IL31RA: variants seen among roughly 807,000 people sequenced by gnomAD.
The protein encoded by IL31RA is interleukin 31 receptor A.
In IL31RA, 66 loss-of-function variants were observed where a neutral mutation model predicts 83.7. The ratio of observed to expected loss-of-function variants is 0.79; its 90% CI spans 0.65 to 0.97. The LOEUF (loss-of-function observed/expected upper bound fraction) is 0.97, where lower values mean the gene tolerates loss of function less well. IL31RA is among the 50% of genes least tolerant of loss of function. The pLI is 0.00. For synonymous variants in IL31RA, 325 were observed against 329.0 expected (o/e 0.99, Z 0.13); for missense variants, 798 against 919.4 (o/e 0.87, Z 1.71).
chr5:55,914,664 T>A (rs1449954172), intron 13 of IL31RA, among the ~76,000 whole-genome samples, 183 bp from the exon 14 acceptor site: 1 of 152,114 alleles, frequency 6.6e-6, no homozygotes, highest in Non-Finnish European at 1.5e-5. Flanking sequence ...GAACTTGCAA[T>A]GTCACCCCCC....
At chr5:55,843,082 G>A in the IL31RA span, among the ~76,000 whole-genome samples, 2 of 152,170 alleles carry the variant, frequency 1.3e-5, no homozygotes, top group Non-Finnish European at 2.9e-5. Flanking sequence ...TTGCATGCAT[G>A]TGCCCACACA....
intron 1 of IL31RA, among the ~76,000 whole-genome samples, chr5:55,853,939 T>C (rs1037942184): frequency 6.6e-6 from 1 of 152,184 alleles, no homozygotes; most frequent in Non-Finnish European, 1.5e-5. Context: ...AGCTACCACA[T>C]GATTTTAGTG....
rs1749314717 is a variant in IL31RA, at chr5:55,908,671, T to C, written c.1501+260T>C. On this transcript the variant is annotated intron_variant, in intron 11 of 14. Coordinates refer to ENST00000652347, the MANE Select transcript of IL31RA (RefSeq NM_139017.7). ...AGGAGTTGTTATAATTTGTCCTGGTTAGGCCCTGAATTGACCTCCCGGGAG... is the reference window on the plus strand; with the variant it reads ...AGGAGTTGTTATAATTTGTCCTGGTCAGGCCCTGAATTGACCTCCCGGGAG... The C allele has an allele frequency of 2.0e-6, 3 of 1,512,648 alleles. No individual in the cohort carries two copies. The African/African-American group carries it at 4.2e-5, about 21-fold the overall frequency. 93.7% of individuals were successfully genotyped at this position (1,512,648 alleles called of 1,614,324 possible).
chr5:55,842,248 G>T, the IL31RA span, among the ~76,000 whole-genome samples: 1 of 152,118 alleles, frequency 6.6e-6, no homozygotes, highest in Non-Finnish European at 1.5e-5. Flanking sequence ...ATTAGATTAA[G>T]GGCCACCCTA....
At chr5:55,861,531 G>A (rs1484481800) in intron 2 of IL31RA, among the ~76,000 whole-genome samples, 1 of 152,094 alleles carries the variant, frequency 6.6e-6, no homozygotes, top group African/African-American at 2.4e-5. Flanking sequence ...GTTTCATCCC[G>A]AAACCATCCG....
rs1747440447 is a variant in IL31RA at position 55,884,227 on chromosome 5, G to C, written c.606+1032G>C. Among the ~76,000 whole-genome samples, 5 of 152,100 alleles carry C rather than the reference G, an allele frequency of 3.3e-5. 1 individual carries two copies. In the South Asian group the frequency reaches 1.0e-3, roughly 32 times the overall value. On this transcript the variant is annotated intron_variant, in intron 5 of 14. Transcript: ENST00000652347. ...TATTGCAAACATCTTTCACTATGTGGCATGACGTTTCACTCTCTTAATGGT... is the reference window on the plus strand; with the variant it reads ...TATTGCAAACATCTTTCACTATGTGCCATGACGTTTCACTCTCTTAATGGT...
intron 4 of IL31RA, among the ~76,000 whole-genome samples, chr5:55,880,358 T>A (rs993638430): frequency 3.3e-5 from 5 of 152,296 alleles, no homozygotes; most frequent in Non-Finnish European, 5.9e-5. Context: ...TCTAAAACTC[T>A]TCAAGAATTA....
At chr5:55,908,768 G>T (rs575875454) in intron 11 of IL31RA, 3 of 1,426,694 alleles carry the variant, frequency 2.1e-6, no homozygotes, top group Non-Finnish European at 2.7e-6. Flanking sequence ...CTGTCACCAT[G>T]ACTTCTACTG....
At chr5:55,916,361 C>T (rs1025031713) in intron 14 of IL31RA, among the ~76,000 whole-genome samples, 7 of 143,422 alleles carry the variant, frequency 4.9e-5, no homozygotes, top group South Asian at 2.3e-4. Context: ...GCCTGGGCAA[C>T]GGGAGTGAGA....
At chr5:55,870,809 A>G (rs755138678) in intron 3 of IL31RA, among the ~76,000 whole-genome samples, 9 of 152,226 alleles carry the variant, frequency 5.9e-5, no homozygotes, top group South Asian at 2.1e-4. Context: ...AATAAGCCAA[A>G]AACCTTCTGA....
intron 4 of IL31RA, among the ~76,000 whole-genome samples, chr5:55,874,813 T>C (rs1746737445): frequency 6.6e-6 from 1 of 152,174 alleles, no homozygotes; most frequent in Admixed American, 6.5e-5. Context: ...GGTCATGTCA[T>C]CTGCAAACAT....
chr5:55,859,975 A>T (rs1745574839), intron 2 of IL31RA, among the ~76,000 whole-genome samples: 1 of 152,204 alleles, frequency 6.6e-6, no homozygotes, highest in Admixed American at 6.5e-5. Context: ...TTTTTCCTTC[A>T]CATATATACC....
rs113244414 is a variant in IL31RA, at chr5:55,899,651, G to C, written c.853-265G>C. 1.7e-3 allele frequency among the ~76,000 whole-genome samples: 252 copies of C among 152,278 alleles called. 1 individual carries two copies. In the Middle Eastern group the frequency reaches 0.017, roughly 10 times the overall value. ...AAAGATACAGGCAGAAGGAAATAAG[G>C]GTGGCTTGTTTACATTGTTTTGGGC... On this transcript the variant is annotated intron_variant, in intron 7 of 14. Coordinates refer to ENST00000652347, the MANE Select transcript of IL31RA (RefSeq NM_139017.7).
At chr5:55,851,289 G>T (rs182750328), upstream of IL31RA, 162 of 501,614 alleles carry the variant, frequency 3.2e-4, no homozygotes, top group Non-Finnish European at 9.8e-5. Context: ...TGAACTCATG[G>T]CTAATAACAG....
chr5:55,893,178 A>G (rs979897907), intron 6 of IL31RA, among the ~76,000 whole-genome samples: 18 of 152,264 alleles, frequency 1.2e-4, no homozygotes, highest in Admixed American at 8.5e-4. Flanking sequence ...TACATGATAC[A>G]GAAATAATTT....
chr5:55,922,559 G>A lies in IL31RA; in HGVS notation c.*5439G>A. 1.3e-6 allele frequency: 1 copy of A among 763,656 alleles called. No individual in the cohort carries two copies. Among genetic ancestry groups the A allele is most frequent in the Non-Finnish European group, 2.2e-6 (1 of 463,924 alleles). 47.3% of individuals were successfully genotyped at this position (763,656 alleles called of 1,614,324 possible). Reference sequence around the variant, plus strand: ...AACCATCTCTGAAGACTGGGTATGTGGTCTTTTCCACACATGGACCACCTA... The same window carrying A: ...AACCATCTCTGAAGACTGGGTATGTAGTCTTTTCCACACATGGACCACCTA... On this transcript the variant is annotated 3_prime_UTR_variant, in exon 15 of 15. Transcript: ENST00000652347.
chr5:55,854,325 C>T (rs552282925), intron 1 of IL31RA, among the ~76,000 whole-genome samples: 3 of 152,254 alleles, frequency 2.0e-5, no homozygotes, highest in Admixed American at 2.0e-4. Flanking sequence ...TAATCAATAT[C>T]CTCATCCAAA....
chr5:55,852,038 C>A (rs1745100406), intron 1 of IL31RA, among the ~76,000 whole-genome samples: 1 of 152,090 alleles, frequency 6.6e-6, no homozygotes, highest in Non-Finnish European at 1.5e-5. Flanking sequence ...TACACAACAC[C>A]TTTAGTGAGC....
chr5:55,893,483 G>A (rs1309829301), intron 6 of IL31RA, among the ~76,000 whole-genome samples: 2 of 152,184 alleles, frequency 1.3e-5, no homozygotes, highest in East Asian at 3.8e-4. Flanking sequence ...GACAATTGAT[G>A]CCTTTGAATA....
Sources: allele counts gnomAD v4.1 joint callset (sites outside exome capture counted in the v4.1 genomes callset), GRCh38; gene constraint gnomAD v4.1.1; transcripts MANE v1.5; gene names NCBI Gene and HGNC (gene_info 2026-07-23, HGNC 2026-07-21).